TRAPPC9: variants seen among roughly 807,000 people sequenced by gnomAD.
TRAPPC9 encodes IKK2 binding protein.
TRAPPC9 carries 83 observed loss-of-function variants against 124.0 expected under a neutral mutation model. That is an observed-to-expected ratio of 0.67 (90% CI 0.56 to 0.80). The LOEUF is 0.80. Ranked by LOEUF, TRAPPC9 falls within the 30% of genes least tolerant of loss-of-function variation. The pLI is 0.00. For missense variants in TRAPPC9, 1,302 were observed against 1,508.3 expected (o/e 0.86, Z 2.27); for synonymous variants, 638 against 617.5 (o/e 1.03, Z -0.49).
chr8:139,907,054 C>T lies in TRAPPC9; in HGVS notation c.2964+3093G>A, dbSNP rs1047656733. Among the ~76,000 whole-genome samples, 2 of 152,262 alleles carry T rather than the reference C, an allele frequency of 1.3e-5. No homozygotes were observed. Among genetic ancestry groups the T allele is most frequent in the Admixed American group, 6.5e-5 (1 of 15,292 alleles). On this transcript the variant is annotated intron_variant, in intron 20 of 22. Coordinates refer to ENST00000438773, the MANE Select transcript of TRAPPC9 (RefSeq NM_001160372.4). The surrounding 1 kb of genome is among the most constrained non-coding windows in gnomAD (Gnocchi z 4.7). ...CTCCCATCAGCCCCACAACGCTGCA[C>T]TGCAAGTGCCCATCTCTGTATCTGT...
intron 21 of TRAPPC9, among the ~76,000 whole-genome samples, chr8:139,814,593 G>A (rs753816416): frequency 2.6e-5 from 4 of 152,254 alleles, no homozygotes; most frequent in Non-Finnish European, 4.4e-5. Flanking sequence ...ATAGGAAGCT[G>A]AGACTCTGAA....
intron 20 of TRAPPC9, among the ~76,000 whole-genome samples, chr8:139,894,562 G>T (rs1186308960): frequency 6.7e-6 from 1 of 148,550 alleles, no homozygotes; most frequent in African/African-American, 2.6e-5. Flanking sequence ...AGCGGAGGGA[G>T]GGGGGGGCTG....
intron 17 of TRAPPC9, among the ~76,000 whole-genome samples, chr8:140,204,777 T>C (rs1300971929): frequency 2.0e-5 from 3 of 152,208 alleles, no homozygotes; most frequent in Non-Finnish European, 4.4e-5. Context: ...TGCAGAACCA[T>C]GAGCCAGTTA....
chr8:140,210,232 T>C (rs1251233754), intron 17 of TRAPPC9, among the ~76,000 whole-genome samples: 1 of 152,220 alleles, frequency 6.6e-6, no homozygotes, highest in Non-Finnish European at 1.5e-5. Context: ...GCTGAACTAC[T>C]GAGGTGATTC....
At chr8:139,808,439 C>A (rs187033987) in intron 21 of TRAPPC9, among the ~76,000 whole-genome samples, 1 of 152,158 alleles carries the variant, frequency 6.6e-6, no homozygotes, top group Non-Finnish European at 1.5e-5. Context: ...CAAGCCTGAG[C>A]GACAGCGCAA....
In TRAPPC9 at chr8:140,372,260, G is replaced by A. The variant is rs557293792; in HGVS notation, c.1135-1080C>T. 1.1e-3 allele frequency among the ~76,000 whole-genome samples: 161 copies of A among 152,318 alleles called. 4 individuals are homozygous for A. The highest frequency in any genetic ancestry group is 9.9e-3 in the Admixed American group (152 of 15,292). The stretch of plus-strand genomic sequence containing the variant: ...CTGCTGCTCCAGGAGCACTGTTAAG[G>A]AAGCGCTTCTCTCCCTCCTCTGCCC... On this transcript the variant is annotated intron_variant, in intron 7 of 22. Coordinates refer to ENST00000438773, the MANE Select transcript of TRAPPC9 (RefSeq NM_001160372.4).
intron 18 of TRAPPC9, among the ~76,000 whole-genome samples, chr8:140,020,744 T>G (rs74390476): frequency 0.018 from 2,691 of 152,372 alleles, 38 homozygotes; most frequent in Non-Finnish European, 0.031. Flanking sequence ...TACTGAGAGA[T>G]AAATGTTGAC....
At chr8:139,867,613 C>G (rs958218512) in intron 21 of TRAPPC9, among the ~76,000 whole-genome samples, 3 of 152,178 alleles carry the variant, frequency 2.0e-5, no homozygotes, top group Non-Finnish European at 4.4e-5. Context: ...AGATTGTGGG[C>G]CACCTGATAG....
intron 21 of TRAPPC9, among the ~76,000 whole-genome samples, chr8:139,812,958 T>C (rs1450219812): frequency 1.3e-5 from 2 of 152,246 alleles, no homozygotes; most frequent in African/African-American, 4.8e-5. Flanking sequence ...TAGAAGGTTC[T>C]AGAGCTGCAA....
intron 17 of TRAPPC9, among the ~76,000 whole-genome samples, chr8:140,083,168 G>A (rs575012358): frequency 6.6e-6 from 1 of 150,532 alleles, no homozygotes; most frequent in African/African-American, 2.4e-5. Context: ...ACTCCAGCCT[G>A]GGTGACAGAA....
chr8:140,140,520 C>G (rs4236867), intron 17 of TRAPPC9, among the ~76,000 whole-genome samples: 69,884 of 151,862 alleles, frequency 0.46, 16,195 homozygotes, highest in Middle Eastern at 0.52. Context: ...ATCGAAGTGT[C>G]TCTTCTATAC....
intron 17 of TRAPPC9, among the ~76,000 whole-genome samples, chr8:140,197,171 G>T (rs2062690494): frequency 6.6e-6 from 1 of 152,190 alleles, no homozygotes; most frequent in African/African-American, 2.4e-5. Context: ...AGAATAAAGT[G>T]GGCGAGGAAG....
intron 17 of TRAPPC9, among the ~76,000 whole-genome samples, chr8:140,056,106 T>C (rs541440148): frequency 9.2e-5 from 14 of 152,142 alleles, no homozygotes; most frequent in African/African-American, 3.1e-4. Context: ...TGCAAAGCTA[T>C]AGTAATTAAA....
At chr8:140,231,683 T>A (rs2063601936) in intron 16 of TRAPPC9, among the ~76,000 whole-genome samples, 1 of 150,172 alleles carries the variant, frequency 6.7e-6, no homozygotes, top group Non-Finnish European at 1.5e-5. Flanking sequence ...TTTTTTGTAT[T>A]TTTAGTAGAG....
intron 21 of TRAPPC9, among the ~76,000 whole-genome samples, chr8:139,748,679 C>T (rs754384090): frequency 3.9e-5 from 6 of 152,112 alleles, no homozygotes; most frequent in African/African-American, 9.6e-5. Context: ...CTGCCATTGG[C>T]GTGTCTAGCG....
intron 19 of TRAPPC9, among the ~76,000 whole-genome samples, chr8:139,982,784 C>T (rs1024500600): frequency 4.6e-5 from 7 of 152,206 alleles, no homozygotes; most frequent in African/African-American, 1.7e-4. Context: ...ATGAGACTAA[C>T]AAGATCTCGC....
chr8:139,883,897 A>G (rs955877632), intron 21 of TRAPPC9, among the ~76,000 whole-genome samples: 54 of 152,000 alleles, frequency 3.6e-4, no homozygotes, highest in African/African-American at 1.3e-3. Flanking sequence ...TGATGGAGAA[A>G]ACCTCACTCA....
intron 21 of TRAPPC9, among the ~76,000 whole-genome samples, chr8:139,842,846 C>T (rs7831200): frequency 0.13 from 19,792 of 152,276 alleles, 2,510 homozygotes; most frequent in African/African-American, 0.33. Context: ...AGCAGCTGCA[C>T]TGCCAGGTCC....
At chr8:140,374,592 GA>G (rs2068381204) in intron 7 of TRAPPC9, among the ~76,000 whole-genome samples, 1 of 151,606 alleles carries the variant, frequency 6.6e-6, no homozygotes. Flanking sequence ...GAAAAGAAAA[GA>G]AAAAAAGAAA....
Sources: gnomAD v4.1 joint callset for allele counts (sites outside exome capture counted in the v4.1 genomes callset) on GRCh38, gnomAD v4.1.1 for gene constraint, Gnocchi (gnomAD v3.1) non-coding constraint, MANE v1.5 for transcripts, NCBI Gene and HGNC (gene_info 2026-07-23, HGNC 2026-07-21) for gene names.